C21orf91: variants seen among roughly 807,000 people sequenced by gnomAD.
C21orf91 encodes the protein protein EURL homolog.
C21orf91 carries 26 observed loss-of-function variants against 32.9 expected under a neutral mutation model. That is an observed-to-expected ratio of 0.79 (90% confidence interval 0.58 to 1.10). The LOEUF (loss-of-function observed/expected upper bound fraction) is 1.10. C21orf91 is among the 50% of genes least tolerant of loss of function. C21orf91 has a pLI of 0.00. For synonymous variants in C21orf91, 126 were observed against 120.4 expected (o/e 1.05, Z -0.31); for missense variants, 310 against 341.3 (o/e 0.91, Z 0.72).
In C21orf91 at chr21:17,795,954, C is replaced by A. The variant is rs140568298; in HGVS notation, c.664+628G>T. The stretch of plus-strand genomic sequence containing the variant: ...TAAGCATTAGATAGTTTATAACCTG[C>A]AGTTTGAAAAATAAATTTGTCTGTC... On this transcript the variant is annotated intron_variant, in intron 3 of 4. Coordinates refer to ENST00000284881, the MANE Select transcript of C21orf91 (RefSeq NM_001100420.2). 6.0e-3 allele frequency among the ~76,000 whole-genome samples: 910 copies of A among 152,222 alleles called. 10 individuals are homozygous for A. Among genetic ancestry groups the A allele is most frequent in the African/African-American group, 0.02 (837 of 41,528 alleles).
intron 2 of C21orf91, among the ~76,000 whole-genome samples, chr21:17,815,897 T>G (rs142338807): frequency 0.015 from 2,360 of 152,312 alleles, 29 homozygotes; most frequent in Non-Finnish European, 0.026. Context: ...CAACCTCAGG[T>G]GATCCGCCTG....
intron 2 of C21orf91, among the ~76,000 whole-genome samples, chr21:17,798,977 T>G (rs1271619030): frequency 6.6e-6 from 1 of 152,154 alleles, no homozygotes; most frequent in African/African-American, 2.4e-5. Context: ...CTCTGCAAAC[T>G]CTTTTAGGTC....
chr21:17,801,274 G>GTTTTTTTT (rs904831489), intron 2 of C21orf91, among the ~76,000 whole-genome samples: 37 of 140,440 alleles, frequency 2.6e-4, no homozygotes, highest in African/African-American at 8.0e-4. Context: ...AACACCGTAT[G>GTTTTTTTT]TTTTTTTTTT....
At chr21:17,799,082 A>G (rs1314542270) in intron 2 of C21orf91, among the ~76,000 whole-genome samples, 1 of 152,200 alleles carries the variant, frequency 6.6e-6, no homozygotes, top group East Asian at 1.9e-4. Flanking sequence ...GAAATTCTTT[A>G]GCATATAAAA....
intron 2 of C21orf91, among the ~76,000 whole-genome samples, chr21:17,805,844 T>G (rs1221997782): frequency 6.6e-6 from 1 of 152,196 alleles, no homozygotes; most frequent in Non-Finnish European, 1.5e-5. Flanking sequence ...AAAAAATTTT[T>G]CTGCATAAAA....
At chr21:17,810,978 T>C (rs1419245603) in intron 2 of C21orf91, 1 of 152,216 alleles carries the variant, frequency 6.6e-6, no homozygotes, top group Non-Finnish European at 1.5e-5. Flanking sequence ...ATATCGTGAG[T>C]AGAAATTATT....
chr21:17,799,997 A>G (rs935285653), intron 2 of C21orf91, among the ~76,000 whole-genome samples: 2 of 152,190 alleles, frequency 1.3e-5, no homozygotes, highest in Non-Finnish European at 2.9e-5. Context: ...AGTTACTCCT[A>G]TATTTAGTCT....
rs773748068 is a variant in C21orf91 at position 17,797,024 on chromosome 21, A to G, written c.222T>C (p.Pro74=). 2 of 1,612,684 alleles carry G rather than the reference A, an allele frequency of 1.2e-6. No homozygotes were observed. The highest frequency in any genetic ancestry group is 2.7e-5 in the African/African-American group (2 of 74,908). Residue 74 remains proline, a synonymous_variant, in exon 3 of 5, where the codon CCT becomes CCC. Coordinates refer to ENST00000284881, the MANE Select transcript of C21orf91 (RefSeq NM_001100420.2). ...AAGTACTTTTTGAAAGCTTAGATCGAGGACAACCCTGGTTTGCAATTAAAT... is the reference window on the plus strand; with the variant it reads ...AAGTACTTTTTGAAAGCTTAGATCGGGGACAACCCTGGTTTGCAATTAAAT... ...KYHLIANQGC[P]RSKLSKSTYE... is the part of the protein sequence containing the mutation.
chr21:17,795,248 C>T lies in C21orf91; in HGVS notation c.687G>A (p.Glu229=), dbSNP rs1213925640. Residue 229 remains glutamate, a synonymous_variant, in exon 4 of 5, where the codon GAG becomes GAA. Coordinates refer to ENST00000284881, the MANE Select transcript of C21orf91 (RefSeq NM_001100420.2). ...REELNSMTLG[E]VEQLNAKLLQ... ...GGAGCTTTGCATTCAGTTGCTCTAC[C>T]TCACCAAGAGTCATCGAATTCACTG... The T allele has an allele frequency of 5.6e-6, 9 of 1,610,622 alleles. No homozygotes were observed. The highest frequency in any genetic ancestry group is 7.6e-6 in the Non-Finnish European group (9 of 1,177,074).
chr21:17,804,573 T>C (rs1013362991), intron 2 of C21orf91, among the ~76,000 whole-genome samples: 2 of 152,198 alleles, frequency 1.3e-5, no homozygotes, highest in South Asian at 4.1e-4. Context: ...GAAGCCAACA[T>C]ACAGATGGGT....
rs923487919 is a variant in C21orf91 at position 17,790,738 on chromosome 21, A to C, written c.*2677T>G. The C allele has an allele frequency of 1.3e-5, 2 of 152,148 alleles. No individual in the cohort carries two copies. Among genetic ancestry groups the C allele is most frequent in the Non-Finnish European group, 2.9e-5 (2 of 67,954 alleles). 9.4% of individuals were successfully genotyped at this position (152,148 alleles called of 1,614,324 possible). On this transcript the variant is annotated 3_prime_UTR_variant, in exon 5 of 5. Transcript: ENST00000284881. ...TATGAGGATCAAAGGATAAGATGAT[A>C]ATCTCAAAGTAAAACATAATTGATT...
At position 17,801,472 on chromosome 21, in the gene C21orf91, G is replaced by A. The variant is rs201092517; in HGVS notation, c.128-4354C>T. Among the ~76,000 whole-genome samples the A allele has an allele frequency of 2.3e-3, 350 of 152,046 alleles. 1 individual carries two copies. Among genetic ancestry groups the A allele is most frequent in the Non-Finnish European group, 3.9e-3 (262 of 67,980 alleles). ...TTTTTAGTAGAGACGGGGTTTCACC[G>A]TGTTAGCCAGGATGGTCTCGATCTC... On this transcript the variant is annotated intron_variant, in intron 2 of 4. Coordinates refer to ENST00000284881, the MANE Select transcript of C21orf91 (RefSeq NM_001100420.2).
chr21:17,802,013 C>A (rs1475729605), intron 2 of C21orf91, among the ~76,000 whole-genome samples: 2 of 151,974 alleles, frequency 1.3e-5, no homozygotes, highest in African/African-American at 4.8e-5. Flanking sequence ...TACTTTGAAA[C>A]CCTCCCTCTA....
At chr21:17,801,972 A>T (rs1274054340) in intron 2 of C21orf91, among the ~76,000 whole-genome samples, 2 of 151,716 alleles carry the variant, frequency 1.3e-5, no homozygotes, top group African/African-American at 4.8e-5. Flanking sequence ...ATCTTTTCCC[A>T]TTTTATCTGA....
chr21:17,816,670 G>C (rs2062666770), intron 2 of C21orf91, among the ~76,000 whole-genome samples: 1 of 152,298 alleles, frequency 6.6e-6, no homozygotes, highest in East Asian at 1.9e-4. Context: ...AATGACAGTA[G>C]TCATTCCAAA....
chr21:17,815,443 G>C (rs1346734822), intron 2 of C21orf91, among the ~76,000 whole-genome samples: 1 of 152,058 alleles, frequency 6.6e-6, no homozygotes, highest in Non-Finnish European at 1.5e-5. Flanking sequence ...TTACATTCTA[G>C]TCTATTGACA....
rs547260464 is a variant in C21orf91 at position 17,793,214 on chromosome 21, C to T, written c.*201G>A. The T allele has an allele frequency of 1.6e-5, 6 of 371,678 alleles. No homozygotes were observed. Among genetic ancestry groups the T allele is most frequent in the Admixed American group, 4.3e-5 (1 of 23,094 alleles). The allele number at this position is 371,678 out of a possible 1,614,324, so 23.0% of individuals were successfully genotyped here. ...TAGTAATTCTGGGAAAAAAGAGTCC[C>T]CAAATGAGCCAAAATGATTAGCCCT... On this transcript the variant is annotated 3_prime_UTR_variant, in exon 5 of 5. Coordinates refer to ENST00000284881, the MANE Select transcript of C21orf91 (RefSeq NM_001100420.2).
chr21:17,807,768 T>A (rs866703864), intron 2 of C21orf91, among the ~76,000 whole-genome samples: 34 of 152,286 alleles, frequency 2.2e-4, no homozygotes, highest in African/African-American at 8.2e-4. Context: ...GGTCAAGGGA[T>A]CTGTGGACCT....
At chr21:17,809,407 C>G (rs1343253185) in intron 2 of C21orf91, among the ~76,000 whole-genome samples, 2 of 152,116 alleles carry the variant, frequency 1.3e-5, no homozygotes, top group African/African-American at 4.8e-5. Flanking sequence ...AAGGAGTATT[C>G]CATGTTAATC....
Sources: allele counts gnomAD v4.1 joint callset (sites outside exome capture counted in the v4.1 genomes callset), GRCh38; gene constraint gnomAD v4.1.1; transcripts MANE v1.5; gene names NCBI Gene and HGNC (gene_info 2026-07-23, HGNC 2026-07-21).